Variants in PRXL2A observed in about 807,000 individuals in gnomAD.
PRXL2A encodes the protein peroxiredoxin-like 2A.
In PRXL2A, 26 loss-of-function variants were observed where a neutral mutation model predicts 25.6. The observed-to-expected ratio is 1.02, with a 90% CI of 0.74 to 1.41. The LOEUF is 1.41. Ranked by LOEUF, PRXL2A falls within the 40% of genes most tolerant of loss-of-function variation. The pLI is 0.00. For synonymous variants in PRXL2A, 98 were observed against 102.9 expected (o/e 0.95, Z 0.29); for missense variants, 246 against 273.9 (o/e 0.90, Z 0.72).
At chr10:80,418,586 G>C (rs1323450920) in intron 1 of PRXL2A, among the ~76,000 whole-genome samples, 1 of 152,168 alleles carries the variant, frequency 6.6e-6, no homozygotes, top group African/African-American at 2.4e-5. Flanking sequence ...ACTTGAGTCA[G>C]AGGTTCGATG....
At chr10:80,414,838 C>T (rs1256497346) in intron 1 of PRXL2A, among the ~76,000 whole-genome samples, 3 of 152,186 alleles carry the variant, frequency 2.0e-5, no homozygotes, top group Non-Finnish European at 4.4e-5. Context: ...TGCAGAGGTA[C>T]GAAGGATTGC....
chr10:80,411,242 G>T (rs1844467736), intron 1 of PRXL2A, among the ~76,000 whole-genome samples: 1 of 152,230 alleles, frequency 6.6e-6, no homozygotes. Context: ...TGGCTTCTCA[G>T]CGGAGACTAG....
At chr10:80,427,525 G>T (rs767122434) in intron 5 of PRXL2A, 29 bp downstream of exon 5, 3 of 1,611,592 alleles carry the variant, frequency 1.9e-6, no homozygotes, top group Non-Finnish European at 2.5e-6. Context: ...CTTGTGGTCT[G>T]TAGGTGTCTG....
chr10:80,430,967 G>A (rs575861166), intron 5 of PRXL2A, among the ~76,000 whole-genome samples: 1 of 152,274 alleles, frequency 6.6e-6, no homozygotes, highest in South Asian at 2.1e-4. Context: ...TCGGCTCACT[G>A]CAACCTCCGC....
chr10:80,426,699 G>A (rs1035408876), intron 4 of PRXL2A, among the ~76,000 whole-genome samples: 6 of 152,186 alleles, frequency 3.9e-5, no homozygotes, highest in African/African-American at 1.4e-4. Context: ...TCCCACCTCT[G>A]CAGAAGGTAG....
At chr10:80,420,057 C>A in intron 1 of PRXL2A, 4 of 986,358 alleles carry the variant, frequency 4.1e-6, no homozygotes, top group Non-Finnish European at 4.8e-6. Flanking sequence ...TCCTGAGCCA[C>A]CTGGATTGTG....
At chr10:80,426,132 C>T in intron 4 of PRXL2A, 126 bp downstream of exon 4, 1 of 1,154,868 alleles carries the variant, frequency 8.7e-7, no homozygotes, top group Non-Finnish European at 1.3e-6. Context: ...CTGTCCTGAA[C>T]TTGCAAGGCC....
intron 3 of PRXL2A, among the ~76,000 whole-genome samples, chr10:80,423,346 G>C (rs1163307095): frequency 6.6e-6 from 1 of 152,254 alleles, no homozygotes; most frequent in Admixed American, 6.5e-5. Flanking sequence ...TGGTCACACA[G>C]CCAGTCAGTG....
intron 1 of PRXL2A, among the ~76,000 whole-genome samples, chr10:80,419,151 A>G (rs1248915860): frequency 1.3e-5 from 2 of 151,166 alleles, no homozygotes; most frequent in South Asian, 2.1e-4. Context: ...ATGCCCAGCT[A>G]ATTTTTGTAT....
intron 5 of PRXL2A, among the ~76,000 whole-genome samples, chr10:80,429,588 T>TGC (rs1845171328): frequency 3.9e-5 from 3 of 77,298 alleles, no homozygotes; most frequent in Non-Finnish European, 5.1e-5. Flanking sequence ...CCCTAGCCTC[T>TGC]CCTGCCCTGC....
At position 80,435,386 on chromosome 10, in the gene PRXL2A, G is replaced by C. The variant is rs922176236; in HGVS notation, c.*3287G>C. 1 of 152,132 alleles carries C rather than the reference G, an allele frequency of 6.6e-6. No individual in the cohort carries two copies. The allele number at this position is 152,132 out of a possible 1,614,324, so 9.4% of individuals were successfully genotyped here. A position where few individuals can be genotyped will look rare whatever the true frequency, so the allele number is the denominator to read the frequency against. The stretch of plus-strand genomic sequence containing the variant: ...TGCTAGTGTTTGTTCAAGTCTCTCC[G>C]TGTCCGGGGTGAGCAAAATTGTTTG... On this transcript the variant is annotated 3_prime_UTR_variant, in exon 6 of 6. Transcript: ENST00000606162.
rs1230540208 is a variant in PRXL2A, at chr10:80,435,037, A to T, written c.*2938A>T. On this transcript the variant is annotated 3_prime_UTR_variant, in exon 6 of 6. Coordinates refer to ENST00000606162, the MANE Select transcript of PRXL2A (RefSeq NM_032333.5). ...AAGAGCAGCCTGGCCAACATGGTGA[A>T]ACCCTGTCTCTACTAAAAATACAAA... 6.6e-6 allele frequency: 1 copy of T among 152,196 alleles called. No homozygotes were observed. Among genetic ancestry groups the T allele is most frequent in the Non-Finnish European group, 1.5e-5 (1 of 68,060 alleles). The allele number at this position is 152,196 out of a possible 1,614,324, so 9.4% of individuals were successfully genotyped here.
At chr10:80,420,738 GA>G in intron 2 of PRXL2A, 93 bp downstream of exon 2, 2 of 994,542 alleles carry the variant, frequency 2.0e-6, no homozygotes, top group Non-Finnish European at 2.8e-6. Context: ...TTTTTTAATT[GA>G]AAAGATAATA....
At chr10:80,414,223 T>C (rs1384299051) in intron 1 of PRXL2A, among the ~76,000 whole-genome samples, 4 of 152,166 alleles carry the variant, frequency 2.6e-5, no homozygotes. Context: ...CCACAGCTGT[T>C]GTTTGTTTGT....
chr10:80,420,175 G>A (rs985638224), intron 1 of PRXL2A: 2 of 1,055,726 alleles, frequency 1.9e-6, no homozygotes, highest in African/African-American at 3.3e-5. Flanking sequence ...TGGGGCATGA[G>A]AAGAGAGAGC....
At chr10:80,419,583 C>G (rs1160550550) in intron 1 of PRXL2A, among the ~76,000 whole-genome samples, 1 of 152,068 alleles carries the variant, frequency 6.6e-6, no homozygotes, top group African/African-American at 2.4e-5. Flanking sequence ...GCTGGGATTA[C>G]AGGCATGAGC....
intron 3 of PRXL2A, among the ~76,000 whole-genome samples, chr10:80,424,886 C>A (rs1190791727): frequency 6.6e-6 from 1 of 152,110 alleles, no homozygotes; most frequent in Admixed American, 6.6e-5. Context: ...AAATAAAAGA[C>A]CTTTCATATC....
chr10:80,427,539 C>A, intron 5 of PRXL2A, 43 bp downstream of exon 5: 2 of 1,602,580 alleles, frequency 1.2e-6, no homozygotes, highest in Non-Finnish European at 1.7e-6. Flanking sequence ...GTGTCTGTGT[C>A]TGTGAGTGTG....
intron 1 of PRXL2A, among the ~76,000 whole-genome samples, chr10:80,410,985 G>A (rs1844460980): frequency 6.6e-6 from 1 of 152,224 alleles, no homozygotes; most frequent in African/African-American, 2.4e-5. Context: ...AGAGGTTTCT[G>A]AATCTGGCAT....
Sources: allele counts gnomAD v4.1 joint callset (sites outside exome capture counted in the v4.1 genomes callset), GRCh38; gene constraint gnomAD v4.1.1; transcripts MANE v1.5; gene names NCBI Gene and HGNC (gene_info 2026-07-23, HGNC 2026-07-21).